The following LRRC49 variants were observed in gnomAD, a reference collection of about 807,000 sequenced individuals.
LRRC49 encodes leucine rich repeat containing 49.
A neutral mutation model predicts 83.3 loss-of-function variants in LRRC49; 50 were observed. The observed-to-expected ratio is 0.60, with a 90% CI of 0.48 to 0.76. The LOEUF is 0.76. LRRC49 is among the 30% of genes least tolerant of loss of function. The pLI is 0.00. For missense variants in LRRC49, 704 were observed against 809.1 expected (o/e 0.87, Z 1.58); for synonymous variants, 286 against 283.3 (o/e 1.01, Z -0.10).
chr15:70,963,898 T>G lies in LRRC49; in HGVS notation c.887T>G (p.Met296Arg). The G allele has an allele frequency of 6.2e-7, 1 of 1,613,512 alleles. No homozygotes were observed. Among genetic ancestry groups the G allele is most frequent in the Non-Finnish European group, 8.5e-7 (1 of 1,179,606 alleles). ...AAACACACTGTCCTTCAGAATATGA[T>G]GCAGCTGCGCCAGCTAGATATGAAG... is the stretch of plus-strand genomic sequence containing the variant. ...WYKHTVLQNM[M>R]QLRQLDMKRI... is the part of the protein sequence containing the mutation. The change falls in exon 9 of 16, where the codon ATG becomes AGG. Residue 296 changes from methionine (M) to arginine (R), a missense_variant. Transcript: ENST00000260382.
At chr15:70,991,520 A>G (rs1019165098) in intron 11 of LRRC49, among the ~76,000 whole-genome samples, 2 of 151,966 alleles carry the variant, frequency 1.3e-5, no homozygotes, top group African/African-American at 4.8e-5. Flanking sequence ...CCTACACATC[A>G]CTCCATTTGC....
At chr15:70,977,183 T>G (rs2141217256) in intron 9 of LRRC49, among the ~76,000 whole-genome samples, 1 of 152,338 alleles carries the variant, frequency 6.6e-6, no homozygotes, top group African/African-American at 2.4e-5. Flanking sequence ...AACACTTTAT[T>G]CTGAAATAGA....
chr15:70,900,465 G>A (rs1361101546), intron 3 of LRRC49: 3 of 456,522 alleles, frequency 6.6e-6, no homozygotes, highest in African/African-American at 4.0e-5. Flanking sequence ...AGAACTATAT[G>A]GGCTGGAAAT....
At chr15:71,008,253 C>A in intron 11 of LRRC49, 126 bp from the exon 12 acceptor site, 1 of 582,044 alleles carries the variant, frequency 1.7e-6, no homozygotes, top group Non-Finnish European at 3.1e-6. Context: ...GTCTTTAATG[C>A]TCTAGGTTTA....
intron 1 of LRRC49, among the ~76,000 whole-genome samples, chr15:70,869,693 CCTT>C (rs1216558907): frequency 6.6e-6 from 1 of 152,122 alleles, no homozygotes; most frequent in Non-Finnish European, 1.5e-5. Flanking sequence ...AGGCACAAAT[CCTT>C]CTTAAAAAGC....
At chr15:71,041,567 G>T (rs571110443) in intron 15 of LRRC49, among the ~76,000 whole-genome samples, 27 of 152,152 alleles carry the variant, frequency 1.8e-4, no homozygotes, top group Non-Finnish European at 3.5e-4. Flanking sequence ...TAATAAATAT[G>T]CAGGATCTAT....
intron 7 of LRRC49, among the ~76,000 whole-genome samples, chr15:70,924,526 T>A (rs1009462240): frequency 6.6e-6 from 1 of 152,020 alleles, no homozygotes; most frequent in Admixed American, 6.6e-5. Context: ...TCTTATCAGA[T>A]AAGGACCTTA....
At chr15:70,912,365 A>C (rs76126369) in intron 6 of LRRC49, among the ~76,000 whole-genome samples, 3,067 of 152,236 alleles carry the variant, frequency 0.02, 35 homozygotes, top group Non-Finnish European at 0.031. Context: ...TCTAGAGTAT[A>C]TAGGAGTGAA....
intron 1 of LRRC49, chr15:70,859,551 G>A (rs1166023577): frequency 6.0e-6 from 4 of 669,100 alleles, no homozygotes; most frequent in South Asian, 2.7e-5. Context: ...GAGGCTGAGA[G>A]CATGCACCAG....
At chr15:71,045,381 G>GTGTC (rs2039824122) in intron 15 of LRRC49, among the ~76,000 whole-genome samples, 1 of 152,112 alleles carries the variant, frequency 6.6e-6, no homozygotes, top group Non-Finnish European at 1.5e-5. Flanking sequence ...ACATATCTAT[G>GTGTC]TGTCTATCCA....
chr15:70,873,326 C>A, intron 2 of LRRC49: 1 of 1,266,880 alleles, frequency 7.9e-7, no homozygotes, highest in South Asian at 1.3e-5. Context: ...CTAACTAAAG[C>A]TATTATACAA....
At chr15:70,854,103 C>A (rs756309403) in intron 1 of LRRC49, 86 of 1,252,172 alleles carry the variant, frequency 6.9e-5, no homozygotes, top group Non-Finnish European at 8.2e-5. Context: ...CGCGGGACTG[C>A]GGCGCCGCCG....
intron 9 of LRRC49, among the ~76,000 whole-genome samples, chr15:70,978,126 C>T (rs2037271879): frequency 6.6e-6 from 1 of 151,964 alleles, no homozygotes; most frequent in African/African-American, 2.4e-5. Flanking sequence ...TCTCTTTGAC[C>T]TTCTTTAATT....
intron 8 of LRRC49, among the ~76,000 whole-genome samples, chr15:70,957,821 C>T (rs764700836): frequency 2.6e-5 from 4 of 152,130 alleles, no homozygotes; most frequent in African/African-American, 9.7e-5. Flanking sequence ...ATCTTAATGG[C>T]CATTGGCCAC....
chr15:70,865,032 T>C (rs1049935445), intron 1 of LRRC49, among the ~76,000 whole-genome samples: 2 of 152,210 alleles, frequency 1.3e-5, no homozygotes, highest in African/African-American at 4.8e-5. Flanking sequence ...TTTTTTCTCC[T>C]GCTTCCATTC....
Position 71,009,926 on chromosome 15 carries a change from A to G in LRRC49, c.1527A>G (p.Thr509=), listed in dbSNP as rs1240977024. ...AAGGAAATCCAGTTGTCAATTTTAC[A>G]CTCTGGAAATACTATGTACTGTTTA... The part of the protein sequence containing the change: ...DPQGNPVVNF[T]LWKYYVLFRL... Residue 509 remains threonine (T), a synonymous_variant, in exon 13 of 16, where the codon ACA becomes ACG. Coordinates refer to ENST00000260382, the MANE Select transcript of LRRC49 (RefSeq NM_017691.5). The G allele has an allele frequency of 1.2e-6, 2 of 1,612,006 alleles. No individual in the cohort carries two copies. The highest frequency in any genetic ancestry group is 1.7e-6 in the Non-Finnish European group (2 of 1,178,570).
chr15:70,939,853 T>G lies in LRRC49; in HGVS notation c.773+3031T>G, dbSNP rs1033909039. On this transcript the variant is annotated intron_variant, in intron 8 of 15. Transcript: ENST00000260382. ...ACTGAAAATTTTAAACTAGGTTTTT[T>G]TTTTTTTTTTTTTTTAGGAAGGAAT... Among the ~76,000 whole-genome samples the G allele has an allele frequency of 9.3e-5, 14 of 151,038 alleles. No homozygotes were observed. The East Asian group carries it at 9.6e-4, about 10-fold the overall frequency.
intron 1 of LRRC49, among the ~76,000 whole-genome samples, chr15:70,863,792 C>T (rs4777316): frequency 0.52 from 79,644 of 152,110 alleles, 22,132 homozygotes; most frequent in Admixed American, 0.69. Context: ...GGGGACTGTA[C>T]ATGAAAACTG....
intron 8 of LRRC49, among the ~76,000 whole-genome samples, chr15:70,945,017 C>T (rs1312644788): frequency 3.9e-5 from 6 of 152,126 alleles, no homozygotes; most frequent in Admixed American, 1.3e-4. Context: ...TGGAATTATA[C>T]CCTGTGTACC....
Sources: gnomAD v4.1 joint callset for allele counts (sites outside exome capture counted in the v4.1 genomes callset) on GRCh38, gnomAD v4.1.1 for gene constraint, MANE v1.5 for transcripts, NCBI Gene and HGNC (gene_info 2026-07-23, HGNC 2026-07-21) for gene names.